The following ARFGEF3 variants were observed in gnomAD, a reference collection of about 807,000 sequenced individuals.
The protein encoded by ARFGEF3 is ARFGEF family member 3.
In ARFGEF3, 96 loss-of-function variants were observed where a neutral mutation model predicts 221.7. The observed-to-expected ratio is 0.43, with a 90% CI of 0.37 to 0.51. The LOEUF is 0.51. Among genes scored for constraint, ARFGEF3 ranks in the 20% least tolerant of loss-of-function variants. The pLI is 0.00. For missense variants in ARFGEF3, 2,410 were observed against 2,789.9 expected, an observed-to-expected ratio of 0.86 and a Z score of 3.07; for synonymous variants, 1,145 against 1,126.8, an observed-to-expected ratio of 1.02 and a Z score of -0.32.
At position 138,255,618 on chromosome 6, in the gene ARFGEF3, T is replaced by C; in HGVS notation, c.953T>C (p.Val318Ala). ...ACTGCGCCGGCCCTGAGCGGACCTG[T>C]GGCTCGGACTATCTATTACATCGCA... ...SCTAPALSGPVARTIYYIAAE... is the reference protein window; with the variant it reads ...SCTAPALSGPAARTIYYIAAE... The change falls in exon 10 of 34, where the codon GTG (valine) becomes GCG (alanine). Residue 318 changes from valine to alanine, a missense_variant. Val to Ala is a moderately conservative substitution (Grantham distance 64). Around this residue, in one of 5 missense-constraint regions of ARFGEF3, gnomAD observed 570 missense variants for 586.9 expected, o/e 0.97. Coordinates refer to ENST00000251691, the MANE Select transcript of ARFGEF3 (RefSeq NM_020340.5). 6.2e-7 allele frequency: 1 copy of C among 1,613,958 alleles called. No homozygotes were observed. Among genetic ancestry groups the C allele is most frequent in the Non-Finnish European group, 8.5e-7 (1 of 1,179,874 alleles).
intron 25 of ARFGEF3, 80 bp downstream of exon 25, chr6:138,311,590 T>G: frequency 1.1e-6 from 1 of 933,122 alleles, no homozygotes; most frequent in Non-Finnish European, 1.7e-6. Context: ...GGGGGGTCTT[T>G]TGCTGAAGCC....
In ARFGEF3 at chr6:138,334,030, A is replaced by G. The variant is rs1260437625; in HGVS notation, c.5184A>G (p.Leu1728=). ...CTCATCAGGTGTTACTCCAGAACTT[A>G]TATGACATCTTGTTAGAAGAGTTTG... The part of the protein sequence containing the change: ...LLSHQVLLQN[L]YDILLEEFVK... Residue 1728 remains leucine, a synonymous_variant, in exon 33 of 34, where the codon TTA becomes TTG. Transcript: ENST00000251691. The surrounding 1 kb of genome is among the most constrained non-coding windows in gnomAD (Gnocchi z 5.1). 1 of 1,613,924 alleles carries G rather than the reference A, an allele frequency of 6.2e-7. No homozygotes were observed. Among genetic ancestry groups the G allele is most frequent in the Admixed American group, 1.7e-5 (1 of 60,022 alleles).
At chr6:138,210,102 C>T (rs1777697486) in intron 4 of ARFGEF3, 61 bp downstream of exon 4, 1 of 1,544,674 alleles carries the variant, frequency 6.5e-7, no homozygotes. Context: ...TGATCCCCTG[C>T]ACTTGTTATC....
chr6:138,225,071 C>G (rs4896336), intron 4 of ARFGEF3, among the ~76,000 whole-genome samples: 18,130 of 152,050 alleles, frequency 0.12, 1,468 homozygotes, highest in East Asian at 0.36. Context: ...TTCCACTCTC[C>G]CTGCATCTTT....
chr6:138,220,816 T>C lies in ARFGEF3; in HGVS notation c.352-8968T>C, dbSNP rs1323030430. ...ACTGACCAATCCAGTTTGTTCTCCA[T>C]AAGGGTTGGAATTAGTAGATCTCAT... On this transcript the variant is annotated intron_variant, in intron 4 of 33. Coordinates refer to ENST00000251691, the MANE Select transcript of ARFGEF3 (RefSeq NM_020340.5). Among the ~76,000 whole-genome samples the C allele has an allele frequency of 2.6e-5, 4 of 152,226 alleles. No individual in the cohort carries two copies. The East Asian group carries it at 7.7e-4, about 29-fold the overall frequency.
intron 32 of ARFGEF3, among the ~76,000 whole-genome samples, chr6:138,329,392 C>T (rs1780180468): frequency 6.6e-6 from 1 of 152,118 alleles, no homozygotes; most frequent in East Asian, 1.9e-4. Context: ...GGGCTGGGCG[C>T]AATGGCTCAT....
At position 138,291,432 on chromosome 6, in the gene ARFGEF3, A is replaced by T. The variant is rs1044798488; in HGVS notation, c.3048-301A>T. ...GAGGGCAGATAAGCCAGTAAGCCGGATGAGGCAGGGGGACTGGATGAACTG... is the reference window on the plus strand; with the variant it reads ...GAGGGCAGATAAGCCAGTAAGCCGGTTGAGGCAGGGGGACTGGATGAACTG... On this transcript the variant is annotated intron_variant, in intron 18 of 33. Coordinates refer to ENST00000251691, the MANE Select transcript of ARFGEF3 (RefSeq NM_020340.5). This position sits in a 1 kb window ranked among gnomAD's most constrained non-coding sequence, Gnocchi z 4.5. Among the ~76,000 whole-genome samples the T allele has an allele frequency of 1.3e-5, 2 of 152,170 alleles. No homozygotes were observed. The highest frequency in any genetic ancestry group is 2.4e-5 in the African/African-American group (1 of 41,448).
chr6:138,288,422 A>G (rs1413583138), intron 17 of ARFGEF3, among the ~76,000 whole-genome samples: 1 of 151,350 alleles, frequency 6.6e-6, no homozygotes, highest in Non-Finnish European at 1.5e-5. Flanking sequence ...AGTGGCTTAC[A>G]CTTGTAATCC....
chr6:138,242,885 A>G (rs1026992601), intron 6 of ARFGEF3, 67 bp from the exon 7 acceptor site: 24 of 1,409,292 alleles, frequency 1.7e-5, no homozygotes, highest in Non-Finnish European at 2.3e-5. Flanking sequence ...GAATTTTCCC[A>G]TTGTCAAAGA....
intron 4 of ARFGEF3, among the ~76,000 whole-genome samples, chr6:138,225,206 C>T (rs907496556): frequency 1.3e-5 from 2 of 152,206 alleles, no homozygotes; most frequent in African/African-American, 4.8e-5. Flanking sequence ...AGTTTATCTC[C>T]TTTTAGTTAT....
chr6:138,319,580 T>G (rs988024122), intron 27 of ARFGEF3, 123 bp from the exon 28 acceptor site: 4 of 686,762 alleles, frequency 5.8e-6, no homozygotes, highest in Non-Finnish European at 9.6e-6. Context: ...AGCAGTAAAT[T>G]ATTTTTCCCT....
rs200413467 is a variant in ARFGEF3, at chr6:138,291,686, G to A, written c.3048-47G>A. ...GCACTGTGGGGTTTATGGAGCTGCC[G>A]GGGTGAGCTGCAGCGCCTAACAGCT... On this transcript the variant is annotated intron_variant, in intron 18 of 33. Coordinates refer to ENST00000251691, the MANE Select transcript of ARFGEF3 (RefSeq NM_020340.5). The surrounding 1 kb of genome is among the most constrained non-coding windows in gnomAD (Gnocchi z 4.5). 356 of 1,266,962 alleles carry A rather than the reference G, an allele frequency of 2.8e-4. No individual in the cohort carries two copies. In the African/African-American group the frequency reaches 4.9e-3, roughly 18 times the overall value. 78.5% of individuals were successfully genotyped at this position (1,266,962 alleles called of 1,614,324 possible). A position where few individuals can be genotyped will look rare whatever the true frequency, so the allele number is the denominator to read the frequency against.
intron 10 of ARFGEF3, among the ~76,000 whole-genome samples, chr6:138,260,801 CAG>C (rs899409902): frequency 2.6e-5 from 4 of 151,698 alleles, no homozygotes; most frequent in Admixed American, 6.6e-5. Flanking sequence ...TACAAATAAA[CAG>C]AAATAAAAAT....
chr6:138,202,804 T>C (rs1354095641), intron 2 of ARFGEF3, among the ~76,000 whole-genome samples: 3 of 152,102 alleles, frequency 2.0e-5, no homozygotes, highest in African/African-American at 7.2e-5. Flanking sequence ...AGACATTTTC[T>C]TAAAATATTG....
chr6:138,324,042 A>C lies in ARFGEF3; in HGVS notation c.4889A>C (p.His1630Pro). 1 of 1,613,796 alleles carries C rather than the reference A, an allele frequency of 6.2e-7. No individual in the cohort carries two copies. Among genetic ancestry groups the C allele is most frequent in the East Asian group, 2.2e-5 (1 of 44,882 alleles). ...KPVKDLLGCF[H>P]SGTESFSGEG... ...CCCCAGGACCTGCTGGGCTGCTTCC[A>C]CAGCGGCACGGAGAGCTTCAGCGGG... The change falls in exon 31 of 34, where the codon CAC (histidine) becomes CCC (proline). Residue 1630 changes from histidine to proline, a missense_variant. Physicochemically the swap from His to Pro is moderately conservative, Grantham distance 77 (BLOSUM62 -2). Around this residue, in one of 5 missense-constraint regions of ARFGEF3, gnomAD observed 723 missense variants for 991.9 expected, o/e 0.73. Coordinates refer to ENST00000251691, the MANE Select transcript of ARFGEF3 (RefSeq NM_020340.5).
chr6:138,321,310 A>T, intron 29 of ARFGEF3, 85 bp downstream of exon 29: 1 of 787,540 alleles, frequency 1.3e-6, no homozygotes. Flanking sequence ...TGTGGTAGGA[A>T]TCGACTTTTT....
intron 4 of ARFGEF3, among the ~76,000 whole-genome samples, chr6:138,222,468 G>C (rs1777999149): frequency 6.6e-6 from 1 of 152,002 alleles, no homozygotes; most frequent in Non-Finnish European, 1.5e-5. Context: ...TTGTCCTCAG[G>C]GGACGTTTAG....
chr6:138,297,129 C>G (rs1438532047), intron 21 of ARFGEF3, among the ~76,000 whole-genome samples, 174 bp downstream of exon 21: 1 of 152,212 alleles, frequency 6.6e-6, no homozygotes, highest in East Asian at 1.9e-4. Context: ...CTCATGGCAT[C>G]TAAAGAATCA....
intron 12 of ARFGEF3, 76 bp from the exon 13 acceptor site, chr6:138,278,375 T>A: frequency 7.4e-7 from 1 of 1,354,518 alleles, no homozygotes; most frequent in Non-Finnish European, 1.0e-6. Context: ...TCACGATGGG[T>A]TCGCAGCTCT....
Sources: gnomAD v4.1 joint callset for allele counts (sites outside exome capture counted in the v4.1 genomes callset) on GRCh38, gnomAD v4.1.1 for gene constraint, gnomAD v4.1.1 regional missense constraint, Gnocchi (gnomAD v3.1) non-coding constraint, MANE v1.5 for transcripts, NCBI Gene and HGNC (gene_info 2026-07-23, HGNC 2026-07-21) for gene names.